Variants in TENM1 observed in about 807,000 individuals in gnomAD.
TENM1 encodes teneurin transmembrane protein 1.
A neutral mutation model predicts 174.8 loss-of-function variants in TENM1; 35 were observed. The observed-to-expected ratio is 0.20, with a 90% CI of 0.15 to 0.27. The LOEUF (loss-of-function observed/expected upper bound fraction) is 0.27. Among genes scored for constraint, TENM1 ranks in the 10% least tolerant of loss-of-function variants. The pLI, the probability that TENM1 is intolerant of heterozygous loss-of-function variation, is 1.00. For missense variants in TENM1, 1,633 were observed against 2,130.1 expected (o/e 0.77, Z 4.59); for synonymous variants, 781 against 798.7 (o/e 0.98, Z 0.37).
At chrX:124,585,990 G>A (rs1022464396) in intron 11 of TENM1, among the ~76,000 whole-genome samples, 1 of 110,490 alleles carries the variant, frequency 9.1e-6, no homozygotes, top group African/African-American at 3.4e-5. Flanking sequence ...AAACCAGGAA[G>A]AAGGTGACTC....
At chrX:124,608,089 G>A (rs778998141) in intron 11 of TENM1, among the ~76,000 whole-genome samples, 9 of 111,137 alleles carry the variant, frequency 8.1e-5, no homozygotes, top group Non-Finnish European at 1.5e-4. Flanking sequence ...GGAGTCAGCC[G>A]ACTAACATTT....
At chrX:124,383,955 T>C in exon 30 of TENM1, 5 of 1,211,185 alleles carry the variant, frequency 4.1e-6, no homozygotes, top group Non-Finnish European at 5.6e-6. Flanking sequence ...GTACCTGTAT[T>C]ATCACAGGCT....
At chrX:124,891,536 G>T in intron 3 of TENM1, among the ~76,000 whole-genome samples, 1 of 109,998 alleles carries the variant, frequency 9.1e-6, no homozygotes, top group East Asian at 2.9e-4. Flanking sequence ...GTGTGCACCT[G>T]TAGTCCCAGT....
chrX:124,458,324 A>C (rs775619755), intron 22 of TENM1, among the ~76,000 whole-genome samples: 12 of 111,894 alleles, frequency 1.1e-4, no homozygotes, highest in Middle Eastern at 4.6e-3. Flanking sequence ...CTATGTAGCC[A>C]CTAAATGGAG....
intron 3 of TENM1, among the ~76,000 whole-genome samples, chrX:124,785,562 C>A (rs930778313): frequency 8.0e-5 from 9 of 111,985 alleles, no homozygotes; most frequent in Non-Finnish European, 1.5e-4. Flanking sequence ...ATACTTTGAC[C>A]ACTGACAAGA....
At chrX:124,560,196 T>TGTGTGTGC (rs1391127784) in intron 14 of TENM1, among the ~76,000 whole-genome samples, 1 of 86,107 alleles carries the variant, frequency 1.2e-5, no homozygotes, top group African/African-American at 5.3e-5. Flanking sequence ...TCTATTTGTG[T>TGTGTGTGC]GTGTGTGTGT....
At chrX:124,473,166 A>G (rs188533298) in intron 22 of TENM1, among the ~76,000 whole-genome samples, 1 of 111,852 alleles carries the variant, frequency 8.9e-6, no homozygotes, top group Non-Finnish European at 1.9e-5. Flanking sequence ...CTTAATTACC[A>G]TTTTATGGTT....
intron 5 of TENM1, among the ~76,000 whole-genome samples, chrX:124,691,502 G>A (rs747748587): frequency 4.5e-5 from 5 of 112,144 alleles, no homozygotes; most frequent in African/African-American, 6.5e-5. Context: ...GGCAATGTCC[G>A]TGGAGACGTA....
chrX:124,861,256 G>A (rs774337193), intron 3 of TENM1, among the ~76,000 whole-genome samples: 1 of 111,809 alleles, frequency 8.9e-6, no homozygotes, highest in Non-Finnish European at 1.9e-5. Flanking sequence ...TTTTTTGGTT[G>A]TTTTTGTTTT....
intron 6 of TENM1, among the ~76,000 whole-genome samples, chrX:124,661,655 T>C (rs1280153525): frequency 8.9e-6 from 1 of 111,907 alleles, no homozygotes; most frequent in Non-Finnish European, 1.9e-5. Context: ...CTCCTTTATT[T>C]TAGAATATAA....
intron 11 of TENM1, among the ~76,000 whole-genome samples, chrX:124,594,091 C>A (rs2049830223): frequency 8.9e-6 from 1 of 112,084 alleles, no homozygotes; most frequent in African/African-American, 3.2e-5. Context: ...CATCTCCAAG[C>A]CTCTTTCTAA....
At chrX:124,547,624 A>G (rs1340668713) in intron 14 of TENM1, among the ~76,000 whole-genome samples, 1 of 111,929 alleles carries the variant, frequency 8.9e-6, no homozygotes, top group East Asian at 2.8e-4. Context: ...AATGATTTTC[A>G]AATCTGTTGT....
At chrX:124,721,193 T>TG (rs1351950750) in intron 4 of TENM1, among the ~76,000 whole-genome samples, 12 of 111,795 alleles carry the variant, frequency 1.1e-4, no homozygotes, top group Admixed American at 1.0e-3. Flanking sequence ...GTAAATCTAG[T>TG]GCTTTTTCAA....
At chrX:124,912,353 C>T (rs996093504) in intron 1 of TENM1, among the ~76,000 whole-genome samples, 4 of 111,449 alleles carry the variant, frequency 3.6e-5, no homozygotes, top group Non-Finnish European at 7.5e-5. Context: ...CCACATTTGT[C>T]CCTGTTCTGT....
At chrX:124,651,985 C>T in exon 8 of TENM1, 1 of 1,211,231 alleles carries the variant, frequency 8.3e-7, no homozygotes, top group Non-Finnish European at 1.1e-6. Context: ...ATACCAAGGT[C>T]CTTGATCCAT....
chrX:124,583,807 G>T (rs200006841), intron 11 of TENM1, among the ~76,000 whole-genome samples: 1 of 105,246 alleles, frequency 9.5e-6, no homozygotes, highest in Non-Finnish European at 1.9e-5. Context: ...AGAAGAATGT[G>T]TAACTAGAAT....
chrX:124,458,504 T>C (rs2061134009), intron 22 of TENM1, among the ~76,000 whole-genome samples: 1 of 112,464 alleles, frequency 8.9e-6, no homozygotes, highest in South Asian at 3.6e-4. Flanking sequence ...GACTAGTGAA[T>C]AGTGAGTTAT....
At chrX:124,684,953 A>C in intron 5 of TENM1, among the ~76,000 whole-genome samples, 2 of 110,978 alleles carry the variant, frequency 1.8e-5, no homozygotes, top group Non-Finnish European at 3.8e-5. Flanking sequence ...TTACCAGCCC[A>C]AGGATTTCAG....
At chrX:124,912,210 C>T (rs2057848571) in intron 1 of TENM1, among the ~76,000 whole-genome samples, 1 of 111,318 alleles carries the variant, frequency 9.0e-6, no homozygotes, top group Non-Finnish European at 1.9e-5. Context: ...TATATGAAAG[C>T]AGTGACAAGT....
Sources: gnomAD v4.1 joint callset for allele counts (sites outside exome capture counted in the v4.1 genomes callset) on GRCh38, gnomAD v4.1.1 for gene constraint, MANE v1.5 for transcripts, NCBI Gene and HGNC (gene_info 2026-07-23, HGNC 2026-07-21) for gene names.